The following TRAM2 variants were observed in gnomAD, a reference collection of about 807,000 sequenced individuals.
The protein encoded by TRAM2 is translocating chain-associated membrane protein 2.
TRAM2 carries 12 observed loss-of-function variants against 51.0 expected under a neutral mutation model. That is an observed-to-expected ratio of 0.24 (90% CI 0.15 to 0.38). TRAM2 has a LOEUF of 0.38. TRAM2 is among the 10% of genes least tolerant of loss of function. The pLI, the probability that TRAM2 is intolerant of heterozygous loss-of-function variation, is 1.00. For synonymous variants in TRAM2, 175 were observed against 179.4 expected (o/e 0.98, Z 0.20); for missense variants, 361 against 462.0 (o/e 0.78, Z 2.00).
Position 52,500,518 on chromosome 6 carries a change from GTTTTTTTTTGTTTTTT to G in TRAM2, c.*2663_*2678del, listed in dbSNP as rs1210202338. On this transcript the variant is annotated 3_prime_UTR_variant, in exon 11 of 11. Coordinates refer to ENST00000182527, the MANE Select transcript of TRAM2 (RefSeq NM_012288.4). ...TGCCAGCCCCACTCATGGTCTCAGG[GTTTTTTTTTGTTTTTT>G]TTTTTTTTTTTACATAAAATAAACC... 1 of 79,426 alleles carries G rather than the reference GTTTTTTTTTGTTTTTT, an allele frequency of 1.3e-5. No individual in the cohort carries two copies. Among genetic ancestry groups the G allele is most frequent in the African/African-American group, 3.7e-5 (1 of 26,864 alleles). The allele number at this position is 79,426 out of a possible 1,614,324, so 4.9% of individuals were successfully genotyped here.
At chr6:52,565,458 C>T (rs1767574981) in intron 1 of TRAM2, among the ~76,000 whole-genome samples, 1 of 152,076 alleles carries the variant, frequency 6.6e-6, no homozygotes. Flanking sequence ...TTTCCCTCTC[C>T]TAGAGACCAT....
At position 52,575,975 on chromosome 6, in the gene TRAM2, A is replaced by G. The variant is rs563520354; in HGVS notation, c.120+821T>C. On this transcript the variant is annotated intron_variant, in intron 1 of 10. Coordinates refer to ENST00000182527, the MANE Select transcript of TRAM2 (RefSeq NM_012288.4). ...TCTGACCCCTTGCTGGCTTTCTACA[A>G]CTCCCTGCCTGGGAGGCCGACACCA... Among the ~76,000 whole-genome samples, 37 of 151,834 alleles carry G rather than the reference A, an allele frequency of 2.4e-4. No individual in the cohort carries two copies. In the South Asian group the frequency reaches 7.3e-3, roughly 30 times the overall value.
intron 1 of TRAM2, among the ~76,000 whole-genome samples, chr6:52,552,702 T>G (rs755098059): frequency 2.7e-4 from 41 of 152,216 alleles, no homozygotes; most frequent in Non-Finnish European, 5.7e-4. Context: ...TAGCAGCCAC[T>G]TCTATTCCGG....
rs1164261973 is a variant in TRAM2, at chr6:52,507,730, G to A, written c.556-107C>T. ...AGAGAGGGCCAGGCTCCTCTGGGCT[G>A]CTTTAACACACAGTCCCATGTCCCA... On this transcript the variant is annotated intron_variant, in intron 6 of 10. Coordinates refer to ENST00000182527, the MANE Select transcript of TRAM2 (RefSeq NM_012288.4). 2.9e-6 allele frequency: 3 copies of A among 1,022,974 alleles called. No homozygotes were observed. In the African/African-American group the frequency reaches 4.7e-5, roughly 16 times the overall value. 63.4% of individuals were successfully genotyped at this position (1,022,974 alleles called of 1,614,324 possible).
chr6:52,545,128 G>A (rs901942996), intron 1 of TRAM2, among the ~76,000 whole-genome samples: 1 of 152,204 alleles, frequency 6.6e-6, no homozygotes, highest in African/African-American at 2.4e-5. Flanking sequence ...TAGCATCCCA[G>A]GAATCTGATG....
chr6:52,503,748 C>CA (rs1766285988), intron 10 of TRAM2, among the ~76,000 whole-genome samples: 1 of 152,162 alleles, frequency 6.6e-6, no homozygotes, highest in South Asian at 2.1e-4. Flanking sequence ...GCTGTAGGAA[C>CA]AAGGCCTCAA....
intron 1 of TRAM2, among the ~76,000 whole-genome samples, chr6:52,570,795 A>ACCC (rs59879346): frequency 1.0e-3 from 67 of 64,212 alleles, no homozygotes; most frequent in African/African-American, 4.6e-3. Context: ...CCTGCCCACC[A>ACCC]CCCCCCCCCC....
At chr6:52,526,416 G>GT (rs1035540023) in intron 2 of TRAM2, among the ~76,000 whole-genome samples, 113 of 151,640 alleles carry the variant, frequency 7.5e-4, no homozygotes, top group African/African-American at 2.6e-3. Context: ...TTTTGTTTTT[G>GT]TTTTTTTTGG....
At chr6:52,539,928 AATATT>A (rs1316793108) in intron 1 of TRAM2, among the ~76,000 whole-genome samples, 1 of 152,114 alleles carries the variant, frequency 6.6e-6, no homozygotes, top group East Asian at 1.9e-4. Flanking sequence ...AAGCAGCTAT[AATATT>A]TAGTGACTAC....
intron 4 of TRAM2, chr6:52,515,772 T>C (rs977446999): frequency 2.0e-6 from 1 of 498,466 alleles, no homozygotes; most frequent in Non-Finnish European, 3.6e-6. Context: ...AAGTGGTGAC[T>C]GTTGGCCAAG....
chr6:52,571,481 G>A (rs1429855876), intron 1 of TRAM2, among the ~76,000 whole-genome samples: 1 of 152,196 alleles, frequency 6.6e-6, no homozygotes, highest in African/African-American at 2.4e-5. Flanking sequence ...TCAGACAACA[G>A]AGCAGGCAAG....
intron 1 of TRAM2, among the ~76,000 whole-genome samples, chr6:52,542,243 G>T (rs552057175): frequency 4.6e-4 from 70 of 150,582 alleles, no homozygotes; most frequent in Admixed American, 1.4e-3. Context: ...CGCCCAATTG[G>T]TGGGGAAGAG....
intron 2 of TRAM2, among the ~76,000 whole-genome samples, chr6:52,530,294 G>A (rs1245384849): frequency 6.6e-6 from 1 of 152,164 alleles, no homozygotes; most frequent in African/African-American, 2.4e-5. Flanking sequence ...GCTCCACCAG[G>A]ATGCATAAGA....
chr6:52,515,280 TC>T (rs1766527149), intron 4 of TRAM2, among the ~76,000 whole-genome samples: 1 of 152,162 alleles, frequency 6.6e-6, no homozygotes, highest in Non-Finnish European at 1.5e-5. Flanking sequence ...ACTCAATACT[TC>T]CTAGCAGGAC....
rs113436339 is a variant in TRAM2, at chr6:52,576,956, G to T, written c.-41C>A. On this transcript the variant is annotated 5_prime_UTR_variant, in exon 1 of 11. Transcript: ENST00000182527. ...GCGGCCGGCGGGGCCCGCACCCTGC[G>T]CTCACGAACCGCAGCGCAAACTTCT... 0.073 allele frequency: 114,418 copies of T among 1,565,744 alleles called. 4,560 individuals carry two copies. The highest frequency in any genetic ancestry group is 0.11 in the South Asian group (9,609 of 86,912).
chr6:52,556,912 AGTG>A (rs1246763989), intron 1 of TRAM2, among the ~76,000 whole-genome samples: 1 of 129,658 alleles, frequency 7.7e-6, no homozygotes, highest in East Asian at 2.3e-4. Flanking sequence ...TGGATGACAG[AGTG>A]AGACTCCATC....
At chr6:52,533,531 T>C (rs1425049520) in intron 2 of TRAM2, among the ~76,000 whole-genome samples, 1 of 152,210 alleles carries the variant, frequency 6.6e-6, no homozygotes, top group Non-Finnish European at 1.5e-5. Context: ...TTTAGTAGCA[T>C]AGAGCTTTCT....
chr6:52,529,047 C>T (rs912178094), intron 2 of TRAM2, among the ~76,000 whole-genome samples: 1 of 152,098 alleles, frequency 6.6e-6, no homozygotes, highest in African/African-American at 2.4e-5. Context: ...CCCACCACCA[C>T]GCCCGGCTAA....
chr6:52,569,482 T>G (rs1767643830), intron 1 of TRAM2, among the ~76,000 whole-genome samples: 1 of 151,856 alleles, frequency 6.6e-6, no homozygotes, highest in South Asian at 2.1e-4. Context: ...ACTGCCTTTA[T>G]GCAATAACGT....
Sources: allele counts gnomAD v4.1 joint callset (sites outside exome capture counted in the v4.1 genomes callset), GRCh38; gene constraint gnomAD v4.1.1; transcripts MANE v1.5; gene names NCBI Gene and HGNC (gene_info 2026-07-23, HGNC 2026-07-21).